RELB: variants seen among roughly 807,000 people sequenced by gnomAD.
RELB encodes RELB proto-oncogene, NF-kB subunit.
A neutral mutation model predicts 55.4 loss-of-function variants in RELB; 14 were observed. The observed-to-expected ratio is 0.25, with a 90% CI of 0.17 to 0.40. The LOEUF is 0.40. Among genes scored for constraint, RELB ranks in the 10% least tolerant of loss-of-function variants. RELB has a pLI of 1.00. For missense variants in RELB, 669 were observed against 830.7 expected (o/e 0.81, Z 2.39); for synonymous variants, 409 against 371.3 (o/e 1.10, Z -1.17).
rs529650868 is a variant in RELB at position 45,037,910 on chromosome 19, A to G, written c.*120A>G. 402 of 1,043,162 alleles carry G rather than the reference A, an allele frequency of 3.9e-4. No homozygotes were observed. Among genetic ancestry groups the G allele is most frequent in the Middle Eastern group, 3.3e-4 (1 of 3,024 alleles). 64.6% of individuals were successfully genotyped at this position (1,043,162 alleles called of 1,614,324 possible). ...CCTTCCTCATGCTTCTGAAGTGGAC[A>G]TATTCAGCCTTGGCGAGAAGCTCCG... On this transcript the variant is annotated 3_prime_UTR_variant, in exon 12 of 12. Transcript: ENST00000221452.
chr19:45,006,827 G>A (rs1023333514), intron 2 of RELB, among the ~76,000 whole-genome samples: 4 of 151,624 alleles, frequency 2.6e-5, no homozygotes, highest in African/African-American at 9.7e-5. Context: ...TGGGTGTGGT[G>A]GCCTGTAATC....
At chr19:45,030,198 G>C (rs1971604220) in intron 8 of RELB, among the ~76,000 whole-genome samples, 1 of 149,834 alleles carries the variant, frequency 6.7e-6, no homozygotes, top group Admixed American at 6.6e-5. Context: ...AACCGGCTGG[G>C]CTGGTGGCTC....
chr19:45,033,775 T>C (rs1423587510), intron 9 of RELB, among the ~76,000 whole-genome samples: 1 of 150,118 alleles, frequency 6.7e-6, no homozygotes, highest in Non-Finnish European at 1.5e-5. Flanking sequence ...ACTCCTGACC[T>C]CAGGTGATCC....
chr19:45,010,019 C>T (rs1305753572), intron 3 of RELB, among the ~76,000 whole-genome samples, 197 bp downstream of exon 3: 9 of 151,920 alleles, frequency 5.9e-5, no homozygotes, highest in Admixed American at 6.6e-5. Context: ...CTCAGCACGC[C>T]GGGGGCTGTG....
chr19:45,022,198 G>A lies in RELB; in HGVS notation c.650G>A (p.Ser217Asn). ...AGGGTGCGGCTCCGGCCTCACGTCA[G>A]CCCCCGGCACAGGTACCCACCCCCT... is the stretch of plus-strand genomic sequence containing the variant. ...ICRVRLRPHV[S>N]PRHSFNNLGI... is the part of the protein sequence containing the mutation. The change falls in exon 5 of 12, where the codon AGC (serine) becomes AAC (asparagine). Residue 217 changes from serine to asparagine, a missense_variant. This residue lies in a region of RELB where 323 missense variants were observed against 368.5 expected (regional missense o/e 0.88). Coordinates refer to ENST00000221452, the MANE Select transcript of RELB (RefSeq NM_006509.4). 6.2e-7 allele frequency: 1 copy of A among 1,602,520 alleles called. No homozygotes were observed. The highest frequency in any genetic ancestry group is 8.5e-7 in the Non-Finnish European group (1 of 1,176,798).
chr19:45,012,496 T>G (rs1283939369), intron 4 of RELB, among the ~76,000 whole-genome samples: 3 of 152,126 alleles, frequency 2.0e-5, no homozygotes, highest in Non-Finnish European at 4.4e-5. Context: ...GTAATCCCAG[T>G]ACTTTGGGAG....
At chr19:45,009,901 C>G (rs2089385954) in intron 3 of RELB, 79 bp downstream of exon 3, 14 of 1,351,176 alleles carry the variant, frequency 1.0e-5, no homozygotes, top group African/African-American at 1.4e-5. Flanking sequence ...CTTCCTTGTT[C>G]AGTGGGGGTG....
At chr19:45,026,199 G>A (rs575003423) in intron 7 of RELB, among the ~76,000 whole-genome samples, 14 of 151,680 alleles carry the variant, frequency 9.2e-5, no homozygotes, top group African/African-American at 1.4e-4. Flanking sequence ...CCGAGATCGC[G>A]TCACTGCGCT....
intron 8 of RELB, among the ~76,000 whole-genome samples, chr19:45,029,996 T>C (rs147299547): frequency 0.024 from 3,657 of 152,096 alleles, 165 homozygotes; most frequent in African/African-American, 0.084. Flanking sequence ...GGTGAAACCC[T>C]GTCTCTACAA....
chr19:45,004,514 G>C (rs937134025), intron 2 of RELB, among the ~76,000 whole-genome samples: 1 of 145,914 alleles, frequency 6.9e-6, no homozygotes, highest in South Asian at 2.3e-4. Flanking sequence ...GCGAGCCACC[G>C]TGCCTGGCCA....
At chr19:45,009,914 G>A in intron 3 of RELB, 92 bp downstream of exon 3, 3 of 1,267,186 alleles carry the variant, frequency 2.4e-6, no homozygotes, top group Non-Finnish European at 3.4e-6. Context: ...TGGGGGTGGG[G>A]GAGAGGTGTC....
At chr19:45,035,530 C>T (rs1971675999) in intron 11 of RELB, among the ~76,000 whole-genome samples, 1 of 151,474 alleles carries the variant, frequency 6.6e-6, no homozygotes, top group South Asian at 2.1e-4. Context: ...ACAACAACAA[C>T]AACAACAACA....
At position 45,038,090 on chromosome 19, in the gene RELB, T is replaced by G; in HGVS notation, c.*300T>G. 2 of 313,560 alleles carry G rather than the reference T, an allele frequency of 6.4e-6. No individual in the cohort carries two copies. Among genetic ancestry groups the G allele is most frequent in the Non-Finnish European group, 5.8e-6 (1 of 172,088 alleles). The allele number at this position is 313,560 out of a possible 1,614,324, so 19.4% of individuals were successfully genotyped here. On this transcript the variant is annotated 3_prime_UTR_variant, in exon 12 of 12. Coordinates refer to ENST00000221452, the MANE Select transcript of RELB (RefSeq NM_006509.4). ...AGTAGGATTCGGAAAAGATTGTACA[T>G]ATGGGAGGAGGGGGCAGATTCCTGG...
Position 45,001,593 on chromosome 19 carries a change from G to T in RELB, c.14G>T (p.Gly5Val), listed in dbSNP as rs1413862268. Reference protein sequence around the residue: MLRSGPASGPSVPTG... With the variant: MLRSVPASGPSVPTG... ...CGGCCCGCGTGCATGCTTCGGTCTG[G>T]GCCAGCCTCTGGGCCGTCCGTCCCC... Residue 5 changes from glycine (G) to valine (V), a missense_variant, in exon 1 of 12, where the codon GGG becomes GTG. Coordinates refer to ENST00000221452, the MANE Select transcript of RELB (RefSeq NM_006509.4). The T allele has an allele frequency of 2.7e-6, 4 of 1,497,026 alleles. No homozygotes were observed. The highest frequency in any genetic ancestry group is 3.5e-6 in the Non-Finnish European group (4 of 1,129,914). The allele number at this position is 1,497,026 out of a possible 1,614,324, so 92.7% of individuals were successfully genotyped here.
intron 2 of RELB, among the ~76,000 whole-genome samples, chr19:45,004,197 T>C (rs1280531073): frequency 3.7e-4 from 50 of 134,616 alleles, no homozygotes; most frequent in Middle Eastern, 0.01. Context: ...GGATTACAGG[T>C]GTGAGCCACC....
intron 4 of RELB, among the ~76,000 whole-genome samples, chr19:45,019,989 C>G (rs1384277940): frequency 6.6e-6 from 1 of 151,952 alleles, no homozygotes; most frequent in Non-Finnish European, 1.5e-5. Context: ...AAACTCCCGA[C>G]CTCAGGTGAT....
chr19:45,020,481 T>G (rs1971470377), intron 4 of RELB, among the ~76,000 whole-genome samples: 1 of 149,652 alleles, frequency 6.7e-6, no homozygotes, highest in Admixed American at 6.7e-5. Flanking sequence ...CCCAAAGTAC[T>G]GGGATTACAG....
intron 11 of RELB, among the ~76,000 whole-genome samples, chr19:45,035,518 AAAC>A (rs545018482): frequency 7.5e-4 from 114 of 151,594 alleles, no homozygotes; most frequent in African/African-American, 2.5e-3. Context: ...ACCCTTCTCA[AAAC>A]AACAACAACA....
chr19:45,021,643 C>A (rs540044500), intron 4 of RELB, among the ~76,000 whole-genome samples: 2 of 119,252 alleles, frequency 1.7e-5, no homozygotes, highest in African/African-American at 6.4e-5. Flanking sequence ...GTCAAGAACT[C>A]GGCTCACTGC....
Sources: gnomAD v4.1 joint callset for allele counts (sites outside exome capture counted in the v4.1 genomes callset) on GRCh38, gnomAD v4.1.1 for gene constraint, gnomAD v4.1.1 regional missense constraint, MANE v1.5 for transcripts, NCBI Gene and HGNC (gene_info 2026-07-23, HGNC 2026-07-21) for gene names.